MPDZ: variants seen among roughly 807,000 people sequenced by gnomAD.
MPDZ encodes the protein multiple PDZ domain protein.
Under a neutral mutation model 239.1 loss-of-function variants are expected in MPDZ, and 234 were observed. That is an observed-to-expected ratio of 0.98 (90% CI 0.88 to 1.09). MPDZ has a LOEUF of 1.09. Ranked by LOEUF, MPDZ falls within the 50% of genes least tolerant of loss-of-function variation. The pLI is 0.00. For missense variants in MPDZ, 3,175 were observed against 2,510.0 expected (o/e 1.26, Z -5.66); for synonymous variants, 1,048 against 881.3 (o/e 1.19, Z -3.35).
At chr9:13,158,177 C>T (rs897865212) in intron 23 of MPDZ, 67 bp from the exon 24 acceptor site, 3 of 1,209,330 alleles carry the variant, frequency 2.5e-6, no homozygotes, top group Non-Finnish European at 3.6e-6. Context: ...TATATGTACT[C>T]TACTATTGAT....
rs139834077 is a variant in MPDZ at position 13,244,595 on chromosome 9, T to C, written c.183+3040A>G. 2.1e-4 allele frequency among the ~76,000 whole-genome samples: 32 copies of C among 152,284 alleles called. 2 individuals carry two copies. In the East Asian group the frequency reaches 6.2e-3, roughly 29 times the overall value. ...TCAATTATATTCTCAGACCTGCTAA[T>C]ATTTTTGACAATATTTAAATAGCAC... On this transcript the variant is annotated intron_variant, in intron 3 of 46. Coordinates refer to ENST00000319217, the MANE Select transcript of MPDZ (RefSeq NM_001378778.1).
rs564430583 is a variant in MPDZ at position 13,270,870 on chromosome 9, T to C, written c.-58+8530A>G. On this transcript the variant is annotated intron_variant, in intron 1 of 46. Coordinates refer to ENST00000319217, the MANE Select transcript of MPDZ (RefSeq NM_001378778.1). Reference sequence around the variant, plus strand: ...AATAATTTCAGCACCAAATTACTCCTTTGTTATCCAATTCACTATATGACT... The same window carrying C: ...AATAATTTCAGCACCAAATTACTCCCTTGTTATCCAATTCACTATATGACT... Among the ~76,000 whole-genome samples the C allele has an allele frequency of 4.6e-5, 7 of 152,300 alleles. No individual in the cohort carries two copies. The South Asian group carries it at 6.2e-4, about 14-fold the overall frequency.
At chr9:13,172,392 T>C (rs1951898251) in intron 21 of MPDZ, among the ~76,000 whole-genome samples, 1 of 151,414 alleles carries the variant, frequency 6.6e-6, no homozygotes, top group South Asian at 2.1e-4. Context: ...TTTTTGTTTT[T>C]TTTTTTTGAG....
intron 30 of MPDZ, among the ~76,000 whole-genome samples, 167 bp from the exon 31 acceptor site, chr9:13,136,349 T>TTTTTTTTTTA (rs1946782722): frequency 7.1e-6 from 1 of 140,998 alleles, no homozygotes; most frequent in Non-Finnish European, 1.5e-5. Context: ...TTTTTTTTTT[T>TTTTTTTTTTA]GAGACAGAGT....
At chr9:13,128,065 T>C (rs1945378537) in intron 32 of MPDZ, among the ~76,000 whole-genome samples, 1 of 152,098 alleles carries the variant, frequency 6.6e-6, no homozygotes, top group Non-Finnish European at 1.5e-5. Context: ...TATCTAGCCT[T>C]CCCACCCACT....
Position 13,138,241 on chromosome 9 carries a change from A to G in MPDZ, c.4004-88T>C, listed in dbSNP as rs76606100. ...TGGAAAGCTATTTAGTTTTACCTCA[A>G]AAGGACAGATTTTATACCAAAATGT... is the stretch of plus-strand genomic sequence containing the variant. On this transcript the variant is annotated intron_variant, in intron 28 of 46. Coordinates refer to ENST00000319217, the MANE Select transcript of MPDZ (RefSeq NM_001378778.1). 2,942 of 1,310,726 alleles carry G rather than the reference A, an allele frequency of 2.2e-3. 66 individuals carry two copies. The African/African-American group carries it at 0.04, about 18-fold the overall frequency. 81.2% of individuals were successfully genotyped at this position (1,310,726 alleles called of 1,614,324 possible).
At chr9:13,122,029 C>G (rs146832250) in intron 37 of MPDZ, 58 bp downstream of exon 37, 268 of 1,603,292 alleles carry the variant, frequency 1.7e-4, no homozygotes, top group Non-Finnish European at 2.2e-4. Context: ...GAAAGAAACA[C>G]TCCCCCCAGG....
At chr9:13,183,367 A>T (rs1953634097) in intron 19 of MPDZ, 51 bp downstream of exon 19, 1 of 1,487,832 alleles carries the variant, frequency 6.7e-7, no homozygotes, top group Non-Finnish European at 9.1e-7. Flanking sequence ...AGCTCTGGAA[A>T]ATTACACACA....
chr9:13,161,378 T>C (rs1950466811), intron 23 of MPDZ, among the ~76,000 whole-genome samples: 1 of 152,030 alleles, frequency 6.6e-6, no homozygotes, highest in South Asian at 2.1e-4. Context: ...AAGACCAGCC[T>C]GGCCAACATG....
At chr9:13,233,642 T>C (rs996446726) in intron 3 of MPDZ, among the ~76,000 whole-genome samples, 1 of 152,132 alleles carries the variant, frequency 6.6e-6, no homozygotes, top group African/African-American at 2.4e-5. Context: ...GTATGTTATT[T>C]CTCAAGTTTT....
intron 1 of MPDZ, among the ~76,000 whole-genome samples, chr9:13,252,393 C>G (rs990470870): frequency 2.0e-5 from 3 of 151,692 alleles, no homozygotes; most frequent in African/African-American, 7.3e-5. Context: ...TGGTGAAACC[C>G]TGTCTCTACT....
chr9:13,158,002 CAGAA>C lies in MPDZ; in HGVS notation c.3452+12_3452+15del, dbSNP rs1563925005. The C allele has an allele frequency of 1.2e-6, 2 of 1,607,530 alleles. No homozygotes were observed. The highest frequency in any genetic ancestry group is 2.2e-5 in the South Asian group (2 of 90,472). ...ATATATCCATTGGGTGGACAGAAGA[CAGAA>C]ATAGTCCTTACCGCCTGGGCTGATT... is the stretch of plus-strand genomic sequence containing the variant. On this transcript the variant is annotated intron_variant, in intron 24 of 46. Transcript: ENST00000319217.
chr9:13,113,157 T>A (rs1368443332), intron 41 of MPDZ, 103 bp from the exon 42 acceptor site: 5 of 1,095,716 alleles, frequency 4.6e-6, no homozygotes, highest in Non-Finnish European at 6.5e-6. Flanking sequence ...TAACCTAGGT[T>A]TCTTTTTTTA....
intron 1 of MPDZ, chr9:13,274,669 A>G (rs1973763470): frequency 6.6e-6 from 1 of 152,090 alleles, no homozygotes; most frequent in Admixed American, 6.5e-5. Context: ...CCCTTTTATT[A>G]ATCATATTTT....
intron 32 of MPDZ, among the ~76,000 whole-genome samples, chr9:13,132,374 C>T (rs1223948932): frequency 6.6e-6 from 1 of 152,194 alleles, no homozygotes; most frequent in Non-Finnish European, 1.5e-5. Context: ...TCTGACAGCA[C>T]AGGCTTCTGT....
chr9:13,180,576 A>G (rs1172986669), intron 19 of MPDZ, among the ~76,000 whole-genome samples: 3 of 152,212 alleles, frequency 2.0e-5, no homozygotes, highest in Non-Finnish European at 4.4e-5. Flanking sequence ...ACCATGTTAA[A>G]ATTTTAAACA....
chr9:13,261,081 A>G (rs1314154452), intron 1 of MPDZ, among the ~76,000 whole-genome samples: 1 of 152,252 alleles, frequency 6.6e-6, no homozygotes, highest in Non-Finnish European at 1.5e-5. Context: ...TAAGAACTTA[A>G]GAAATATTGA....
intron 21 of MPDZ, among the ~76,000 whole-genome samples, chr9:13,173,410 A>T (rs1239871534): frequency 6.6e-6 from 1 of 152,086 alleles, no homozygotes; most frequent in Non-Finnish European, 1.5e-5. Flanking sequence ...TTAATTAAAA[A>T]TTGGTAAGCA....
At chr9:13,162,268 A>T (rs1246186421) in intron 23 of MPDZ, among the ~76,000 whole-genome samples, 1 of 151,940 alleles carries the variant, frequency 6.6e-6, no homozygotes, top group Non-Finnish European at 1.5e-5. Flanking sequence ...TGCCTCAAAA[A>T]AAAAAAAAAG....
Sources: allele counts gnomAD v4.1 joint callset (sites outside exome capture counted in the v4.1 genomes callset), GRCh38; gene constraint gnomAD v4.1.1; transcripts MANE v1.5; gene names NCBI Gene and HGNC (gene_info 2026-07-23, HGNC 2026-07-21).